Variants in TTC19 observed in about 807,000 individuals in gnomAD.
TTC19 encodes the protein tetratricopeptide repeat protein 19, mitochondrial.
A neutral mutation model predicts 49.5 loss-of-function variants in TTC19; 38 were observed. The ratio of observed to expected loss-of-function variants is 0.77; its 90% CI spans 0.59 to 1.01. The LOEUF (loss-of-function observed/expected upper bound fraction) is 1.01. TTC19 is among the 50% of genes least tolerant of loss of function. The pLI, the probability that TTC19 is intolerant of heterozygous loss-of-function variation, is 0.00. For missense variants in TTC19, 475 were observed against 477.7 expected (o/e 0.99, Z 0.05); for synonymous variants, 204 against 185.2 (o/e 1.10, Z -0.83).
intron 4 of TTC19, 67 bp from the exon 5 acceptor site, chr17:16,003,764 C>A: frequency 7.1e-7 from 1 of 1,401,922 alleles, no homozygotes. Context: ...ACTTAGAATC[C>A]AGGGTCATAT....
intron 7 of TTC19, among the ~76,000 whole-genome samples, chr17:16,019,674 C>T (rs1017779549): frequency 4.6e-5 from 7 of 152,104 alleles, no homozygotes; most frequent in African/African-American, 1.7e-4. Context: ...GTATAGTAGT[C>T]CATTGTAGAA....
At chr17:16,024,323 T>TCTTG (rs1219813393) in intron 7 of TTC19, 1 of 152,140 alleles carries the variant, frequency 6.6e-6, no homozygotes, top group East Asian at 1.9e-4. Context: ...TGAGACTGAG[T>TCTTG]CTTGCTCTGT....
chr17:16,042,354 T>C (rs1431329618), intron 2 of TTC19, among the ~76,000 whole-genome samples: 1 of 152,246 alleles, frequency 6.6e-6, no homozygotes. Context: ...TTGTTAAGAT[T>C]ACCTTATTGA....
In TTC19 at chr17:15,999,990, G is replaced by T; in HGVS notation, c.142G>T (p.Ala48Ser). ...PEVQVPPSRV[A>S]PHGRGPGLLP... is the part of the protein sequence containing the mutation. Reference sequence around the variant, plus strand: ...GGTGCAGGTGCCGCCATCCCGAGTCGCGCCGCACGGCCGGGGCCCAGGCCT... The same window carrying T: ...GGTGCAGGTGCCGCCATCCCGAGTCTCGCCGCACGGCCGGGGCCCAGGCCT... The change falls in exon 1 of 10, where the codon GCG (alanine) becomes TCG (serine). Residue 48 changes from alanine to serine, a missense_variant. Transcript: ENST00000261647. 1 of 1,267,516 alleles carries T rather than the reference G, an allele frequency of 7.9e-7. No homozygotes were observed. The highest frequency in any genetic ancestry group is 9.9e-7 in the Non-Finnish European group (1 of 1,009,038). 78.5% of individuals were successfully genotyped at this position (1,267,516 alleles called of 1,614,324 possible).
rs1249102512 is a variant in TTC19 at position 15,999,912 on chromosome 17, C to T, written c.64C>T (p.Arg22Trp). ...GFLRAAGRRC[R>W]GCSARLLPGL... ...CCTGCGGGCCGCGGGGCGGCGGTGCCGGGGCTGCTCCGCGCGCCTGCTCCC... is the reference window on the plus strand; with the variant it reads ...CCTGCGGGCCGCGGGGCGGCGGTGCTGGGGCTGCTCCGCGCGCCTGCTCCC... Residue 22 changes from arginine to tryptophan, a missense_variant, in exon 1 of 10, where the codon CGG (arginine) becomes TGG (tryptophan). By Grantham distance (101) the Arg-to-Trp change is moderately radical. Coordinates refer to ENST00000261647, the MANE Select transcript of TTC19 (RefSeq NM_017775.4). 23 of 1,357,626 alleles carry T rather than the reference C, an allele frequency of 1.7e-5. No homozygotes were observed. The African/African-American group carries it at 3.1e-4, about 18-fold the overall frequency. 84.1% of individuals were successfully genotyped at this position (1,357,626 alleles called of 1,614,324 possible).
intron 6 of TTC19, among the ~76,000 whole-genome samples, chr17:16,005,143 CAATT>C (rs141849691): frequency 0.012 from 1,843 of 152,282 alleles, 44 homozygotes; most frequent in African/African-American, 0.041. Flanking sequence ...AAGCTAGTAA[CAATT>C]AGCCTCTGAG....
intron 2 of TTC19, chr17:16,039,573 A>G (rs1230888397): frequency 1.2e-6 from 2 of 1,614,170 alleles, no homozygotes; most frequent in Non-Finnish European, 8.5e-7. Flanking sequence ...AAAGCTTCCC[A>G]TGAGAGCCTT....
At chr17:16,006,640 AAG>A (rs1970917856) in intron 7 of TTC19, 72 bp downstream of exon 7, 1 of 1,068,896 alleles carries the variant, frequency 9.4e-7, no homozygotes, top group South Asian at 1.3e-5. Context: ...GAGAAATGGA[AAG>A]AGATCTAAAT....
chr17:16,041,290 C>T (rs533798425), intron 2 of TTC19: 5 of 151,404 alleles, frequency 3.3e-5, no homozygotes, highest in Non-Finnish European at 7.4e-5. Flanking sequence ...GAATTTGGGA[C>T]ATAAATTGGT....
At chr17:16,017,224 T>A (rs796233338) in intron 7 of TTC19, among the ~76,000 whole-genome samples, 6 of 152,266 alleles carry the variant, frequency 3.9e-5, no homozygotes, top group African/African-American at 1.4e-4. Context: ...TGGTTGGAAT[T>A]TTTTTAAAAC....
At chr17:16,019,386 G>GT (rs1971304728) in intron 7 of TTC19, among the ~76,000 whole-genome samples, 1 of 152,206 alleles carries the variant, frequency 6.6e-6, no homozygotes, top group African/African-American at 2.4e-5. Context: ...AACTTAATAT[G>GT]AATGGTATCA....
chr17:16,004,120 C>T (rs948390121), intron 5 of TTC19, 81 bp from the exon 6 acceptor site: 17 of 1,372,790 alleles, frequency 1.2e-5, no homozygotes, highest in South Asian at 2.3e-5. Flanking sequence ...TTGAGGCCAC[C>T]GTCAGTCTGG....
chr17:16,042,889 G>T (rs922845927), intron 2 of TTC19, among the ~76,000 whole-genome samples: 4 of 152,168 alleles, frequency 2.6e-5, no homozygotes, highest in African/African-American at 9.7e-5. Flanking sequence ...GGAAAAGCTG[G>T]GCTACAGATA....
intron 2 of TTC19, among the ~76,000 whole-genome samples, chr17:16,042,019 CCA>C (rs555796167): frequency 2.0e-4 from 30 of 152,300 alleles, no homozygotes; most frequent in African/African-American, 7.0e-4. Context: ...CAGGTGTGAG[CCA>C]CCGTGCCCGG....
downstream of TTC19, chr17:16,030,939 G>A (rs142125677): frequency 4.2e-3 from 824 of 195,524 alleles, 5 homozygotes; most frequent in Middle Eastern, 7.3e-3. Flanking sequence ...TGAGAGATCT[G>A]TTTCTCCCCT....
At chr17:16,002,689 A>AT (rs746249312) in intron 3 of TTC19, 104 bp from the exon 4 acceptor site, 2 of 1,069,306 alleles carry the variant, frequency 1.9e-6, no homozygotes, top group Admixed American at 1.7e-5. Context: ...ATTTTCAACT[A>AT]TTTTTTAAAT....
intron 7 of TTC19, among the ~76,000 whole-genome samples, chr17:16,012,624 C>T (rs1412240610): frequency 5.9e-5 from 9 of 152,030 alleles, no homozygotes; most frequent in South Asian, 2.1e-4. Context: ...CTGCAACCTC[C>T]GCCTCCTGGG....
At chr17:16,020,279 T>A (rs1170281491) in intron 7 of TTC19, among the ~76,000 whole-genome samples, 2 of 152,270 alleles carry the variant, frequency 1.3e-5, no homozygotes, top group Non-Finnish European at 2.9e-5. Flanking sequence ...TATGTGTTTC[T>A]GATTACTGTA....
chr17:16,039,719 T>C, intron 2 of TTC19: 1 of 1,392,680 alleles, frequency 7.2e-7, no homozygotes, highest in Non-Finnish European at 1.0e-6. Flanking sequence ...AAACATGCAT[T>C]GCCCCATCAG....
Sources: allele counts gnomAD v4.1 joint callset (sites outside exome capture counted in the v4.1 genomes callset), GRCh38; gene constraint gnomAD v4.1.1; transcripts MANE v1.5; gene names NCBI Gene and HGNC (gene_info 2026-07-23, HGNC 2026-07-21).